The following PPP3CB variants were observed in gnomAD, a reference collection of about 807,000 sequenced individuals.
PPP3CB encodes protein phosphatase 3 catalytic subunit beta.
Under a neutral mutation model 66.4 loss-of-function variants are expected in PPP3CB, and 8 were observed. That is an observed-to-expected ratio of 0.12 (90% CI 0.07 to 0.22). The LOEUF (loss-of-function observed/expected upper bound fraction) is 0.22. Ranked by LOEUF, PPP3CB falls within the 10% of genes least tolerant of loss-of-function variation. The pLI is 1.00. For missense variants in PPP3CB, 319 were observed against 642.5 expected, an observed-to-expected ratio of 0.50 and a Z score of 5.44; for synonymous variants, 208 against 221.2, an observed-to-expected ratio of 0.94 and a Z score of 0.53.
chr10:73,441,425 C>T (rs2056146473), intron 12 of PPP3CB, among the ~76,000 whole-genome samples: 1 of 151,306 alleles, frequency 6.6e-6, no homozygotes, highest in Non-Finnish European at 1.5e-5. Flanking sequence ...ATAGAGAGAC[C>T]TCATCTCCCC....
chr10:73,471,715 T>G, intron 4 of PPP3CB, 102 bp from the exon 5 acceptor site: 2 of 879,278 alleles, frequency 2.3e-6, no homozygotes, highest in Non-Finnish European at 1.7e-6. Flanking sequence ...TCTCCCCTCC[T>G]TTATATCTTA....
intron 10 of PPP3CB, among the ~76,000 whole-genome samples, chr10:73,447,863 C>T (rs960931269): frequency 2.0e-5 from 3 of 150,308 alleles, no homozygotes. Flanking sequence ...CTGGGTACCA[C>T]AGCACTCTAA....
chr10:73,439,680 A>G (rs2056115742), intron 13 of PPP3CB, among the ~76,000 whole-genome samples, 192 bp downstream of exon 13: 1 of 152,198 alleles, frequency 6.6e-6, no homozygotes, highest in South Asian at 2.1e-4. Flanking sequence ...CTGTCACCAT[A>G]GACATCAGCC....
intron 9 of PPP3CB, among the ~76,000 whole-genome samples, chr10:73,457,277 A>G (rs2056443422): frequency 6.7e-6 from 1 of 148,818 alleles, no homozygotes; most frequent in South Asian, 2.1e-4. Context: ...AAAAAAAAAA[A>G]AAAAAAAAAA....
At chr10:73,484,590 G>T in intron 1 of PPP3CB, among the ~76,000 whole-genome samples, 1 of 142,814 alleles carries the variant, frequency 7.0e-6, no homozygotes, top group Non-Finnish European at 1.5e-5. Context: ...CTTTTCCAGA[G>T]TTTTTTTTTT....
chr10:73,448,948 ATAAC>A (rs911741366), intron 10 of PPP3CB, among the ~76,000 whole-genome samples: 1 of 152,232 alleles, frequency 6.6e-6, no homozygotes, highest in African/African-American at 2.4e-5. Flanking sequence ...TATGGACAGA[ATAAC>A]TATCATATCT....
chr10:73,486,002 G>C (rs1008882448), intron 1 of PPP3CB, among the ~76,000 whole-genome samples: 3 of 151,204 alleles, frequency 2.0e-5, no homozygotes, highest in African/African-American at 7.3e-5. Flanking sequence ...CTAGAATGCA[G>C]TGGCGCAACA....
intron 9 of PPP3CB, among the ~76,000 whole-genome samples, chr10:73,466,729 G>GT (rs1239996488): frequency 6.6e-6 from 1 of 152,060 alleles, no homozygotes; most frequent in Non-Finnish European, 1.5e-5. Flanking sequence ...CAGAAGTGAC[G>GT]TATCTCATAC....
chr10:73,479,177 T>C, intron 2 of PPP3CB, 140 bp downstream of exon 2: 2 of 809,102 alleles, frequency 2.5e-6, no homozygotes, highest in Non-Finnish European at 3.9e-6. Flanking sequence ...TTTTTAAGTA[T>C]GGAAAATAAT....
intron 9 of PPP3CB, among the ~76,000 whole-genome samples, chr10:73,463,055 T>C (rs1270169629): frequency 6.6e-6 from 1 of 151,952 alleles, no homozygotes; most frequent in Admixed American, 6.6e-5. Context: ...TAAAGGGTTG[T>C]TGTAACAAGA....
At chr10:73,443,266 GAGAA>G (rs1164429950) in intron 12 of PPP3CB, among the ~76,000 whole-genome samples, 138 of 64,504 alleles carry the variant, frequency 2.1e-3, no homozygotes, top group South Asian at 4.2e-3. Context: ...GAGAGAGAGA[GAGAA>G]AGAAAGAAAG....
intron 1 of PPP3CB, among the ~76,000 whole-genome samples, chr10:73,486,388 G>A (rs1333799283): frequency 9.0e-5 from 12 of 132,620 alleles, no homozygotes; most frequent in Admixed American, 3.1e-4. Context: ...TCACCGCAAC[G>A]TCTGCCTCCC....
At chr10:73,489,784 A>C (rs981229446) in intron 1 of PPP3CB, among the ~76,000 whole-genome samples, 5 of 152,160 alleles carry the variant, frequency 3.3e-5, no homozygotes, top group African/African-American at 9.7e-5. Context: ...ACTCCTTGCC[A>C]AGCACTTCAC....
chr10:73,486,943 G>A (rs113170935), intron 1 of PPP3CB, among the ~76,000 whole-genome samples: 4 of 152,206 alleles, frequency 2.6e-5, no homozygotes, highest in African/African-American at 9.6e-5. Flanking sequence ...GGCCAAGGCG[G>A]GTGGATTACC....
At chr10:73,450,012 G>C (rs2056319687) in intron 10 of PPP3CB, among the ~76,000 whole-genome samples, 1 of 152,126 alleles carries the variant, frequency 6.6e-6, no homozygotes, top group South Asian at 2.1e-4. Context: ...TGGCCAGGTT[G>C]GTCTCGAACT....
intron 1 of PPP3CB, among the ~76,000 whole-genome samples, chr10:73,487,582 AAAC>A (rs1369441609): frequency 6.6e-6 from 1 of 150,950 alleles, no homozygotes; most frequent in African/African-American, 2.5e-5. Flanking sequence ...AAAAAAAAAA[AAAC>A]AAACAGGAAA....
chr10:73,449,235 C>T (rs1462488925), intron 10 of PPP3CB, among the ~76,000 whole-genome samples: 3 of 152,202 alleles, frequency 2.0e-5, no homozygotes, highest in Non-Finnish European at 4.4e-5. Context: ...CCCCTCCCAA[C>T]GAAGGAAAAG....
At chr10:73,489,320 T>C (rs2057034944) in intron 1 of PPP3CB, among the ~76,000 whole-genome samples, 1 of 152,116 alleles carries the variant, frequency 6.6e-6, no homozygotes, top group Admixed American at 6.5e-5. Context: ...TTAAGCTTCT[T>C]GCCCTCCAAT....
rs1234014189 is a variant in PPP3CB at position 73,471,196 on chromosome 10, T to C, written c.683A>G (p.Lys228Arg). 3.1e-6 allele frequency: 5 copies of C among 1,601,978 alleles called. No individual in the cohort carries two copies. The highest frequency in any genetic ancestry group is 4.5e-5 in the East Asian group (2 of 44,534). Residue 228 changes from lysine to arginine, a missense_variant, in exon 6 of 14, where the codon AAA becomes AGA. Physicochemically the swap from Lys to Arg is conservative, Grantham distance 26. Around this residue, in one of 5 missense-constraint regions of PPP3CB, gnomAD observed 19 missense variants for 17.0 expected, o/e 1.12. Transcript: ENST00000360663. ...LDDIRRLDRF[K>R]EPPAFGPMCD... is the part of the protein sequence containing the mutation. Reference sequence around the variant, plus strand: ...CATTGGTCCAAATGCAGGTGGCTCTTTGAATCTATCTAACTGTGAAAGAAA... The same window carrying C: ...CATTGGTCCAAATGCAGGTGGCTCTCTGAATCTATCTAACTGTGAAAGAAA...
Sources: allele counts gnomAD v4.1 joint callset (sites outside exome capture counted in the v4.1 genomes callset), GRCh38; gene constraint gnomAD v4.1.1; regional missense constraint gnomAD v4.1.1; transcripts MANE v1.5; gene names NCBI Gene and HGNC (gene_info 2026-07-23, HGNC 2026-07-21).